Variants in CACNG5 observed in about 807,000 individuals in gnomAD.
CACNG5 encodes calcium voltage-gated channel auxiliary subunit gamma 5.
In CACNG5, 18 loss-of-function variants were observed where a neutral mutation model predicts 24.8. The ratio of observed to expected loss-of-function variants is 0.73; its 90% CI spans 0.50 to 1.08. The LOEUF is 1.08. CACNG5 is among the 50% of genes least tolerant of loss of function. The pLI is 0.00. For missense variants in CACNG5, 349 were observed against 367.9 expected, an observed-to-expected ratio of 0.95 and a Z score of 0.42; for synonymous variants, 157 against 149.1, an observed-to-expected ratio of 1.05 and a Z score of -0.39.
rs373323310 is a variant in CACNG5, at chr17:66,864,318, C to T, written c.-103-12912C>T. ...AGACCTGTCCTCTTTGGCAAGCTCT[C>T]AACTCCAATGTTGAGTCCATAGCAT... On this transcript the variant is annotated intron_variant, in intron 1 of 5. Coordinates refer to ENST00000533854, the MANE Select transcript of CACNG5 (RefSeq NM_145811.3). Among the ~76,000 whole-genome samples, 91 of 152,320 alleles carry T rather than the reference C, an allele frequency of 6.0e-4. 2 individuals carry two copies. The South Asian group carries it at 0.018, about 30-fold the overall frequency.
chr17:66,864,759 G>A (rs1480121859), intron 1 of CACNG5, among the ~76,000 whole-genome samples: 1 of 152,044 alleles, frequency 6.6e-6, no homozygotes, highest in African/African-American at 2.4e-5. Context: ...GAAATATCCT[G>A]GTTATTCTAA....
intron 1 of CACNG5, among the ~76,000 whole-genome samples, chr17:66,875,546 C>T (rs1598059673): frequency 6.6e-6 from 1 of 152,188 alleles, no homozygotes; most frequent in Admixed American, 6.5e-5. Flanking sequence ...AGGCTCTAAA[C>T]TCTGCCACTC....
rs144291956 is a variant in CACNG5 at position 66,868,463 on chromosome 17, G to A, written c.-103-8767G>A. ...TGTCAAAGGACAGGAATCCCTGCCT[G>A]GCAATGCTCACTCTCCAAAGGGCCT... is the stretch of plus-strand genomic sequence containing the variant. On this transcript the variant is annotated intron_variant, in intron 1 of 5. Transcript: ENST00000533854. 2.1e-3 allele frequency among the ~76,000 whole-genome samples: 315 copies of A among 152,292 alleles called. 1 individual carries two copies. The highest frequency in any genetic ancestry group is 3.4e-3 in the Non-Finnish European group (228 of 68,022).
At chr17:66,880,496 G>A (rs1330345188) in intron 3 of CACNG5, 61 bp from the exon 4 acceptor site, 23 of 1,605,868 alleles carry the variant, frequency 1.4e-5, no homozygotes, top group Non-Finnish European at 1.9e-5. Flanking sequence ...CTCAACTCAG[G>A]ATGATGAGGA....
At chr17:66,876,547 A>G (rs371841169) in intron 1 of CACNG5, among the ~76,000 whole-genome samples, 1 of 152,202 alleles carries the variant, frequency 6.6e-6, no homozygotes, top group Non-Finnish European at 1.5e-5. Context: ...CTGAGCAGGT[A>G]AGAGTCAGCC....
rs138175863 is a variant in CACNG5, at chr17:66,843,654, G to C, written c.-104+8404G>C. On this transcript the variant is annotated intron_variant, in intron 1 of 5. Transcript: ENST00000533854. Reference sequence around the variant, plus strand: ...CATTGGAGCAAGGATGCTGCAGGGGGGTGGTCCTGTTCCAGGAGTTGGGAC... The same window carrying C: ...CATTGGAGCAAGGATGCTGCAGGGGCGTGGTCCTGTTCCAGGAGTTGGGAC... Among the ~76,000 whole-genome samples, 608 of 152,196 alleles carry C rather than the reference G, an allele frequency of 4.0e-3. 3 individuals are homozygous for C. Among genetic ancestry groups the C allele is most frequent in the African/African-American group, 0.014 (570 of 41,516 alleles).
chr17:66,887,543 C>T lies in CACNG5; in HGVS notation c.*2303C>T, dbSNP rs974627699. ...AGTTTTTGTGCTTGGAGACAGATAG[C>T]GTTTCCAAACTGGACAATCATTTAG... On this transcript the variant is annotated 3_prime_UTR_variant, in exon 6 of 6. Transcript: ENST00000533854. Among the ~76,000 whole-genome samples the T allele has an allele frequency of 6.6e-5, 10 of 152,194 alleles. No individual in the cohort carries two copies. The highest frequency in any genetic ancestry group is 1.2e-4 in the Non-Finnish European group (8 of 68,040).
chr17:66,853,385 G>A (rs879532437), intron 1 of CACNG5, among the ~76,000 whole-genome samples: 2 of 152,150 alleles, frequency 1.3e-5, no homozygotes, highest in Non-Finnish European at 2.9e-5. Context: ...CTGGTTGTGT[G>A]GCAAGAGCAT....
intron 1 of CACNG5, among the ~76,000 whole-genome samples, chr17:66,841,728 A>G (rs371018855): frequency 6.6e-6 from 1 of 151,718 alleles, no homozygotes; most frequent in African/African-American, 2.4e-5. Context: ...AAGTCCCCAC[A>G]CTCCTCTGGG....
At position 66,891,805 on chromosome 17, in the gene CACNG5, T is replaced by C. The variant is rs1055481136; in HGVS notation, c.*6565T>C. 1.6e-4 allele frequency among the ~76,000 whole-genome samples: 24 copies of C among 152,364 alleles called. No homozygotes were observed. Among genetic ancestry groups the C allele is most frequent in the Middle Eastern group, 3.4e-3 (1 of 294 alleles). On this transcript the variant is annotated 3_prime_UTR_variant, in exon 6 of 6. Coordinates refer to ENST00000533854, the MANE Select transcript of CACNG5 (RefSeq NM_145811.3). ...ACCACCTTTGAGAAACACGATCTGC[T>C]GTACCATGACTGGCTTTGACTAGTA...
At chr17:66,875,316 C>A (rs968360246) in intron 1 of CACNG5, among the ~76,000 whole-genome samples, 11 of 152,144 alleles carry the variant, frequency 7.2e-5, no homozygotes, top group African/African-American at 2.7e-4. Context: ...TGTTTCATTT[C>A]TCCCTCCTTT....
chr17:66,836,204 T>C lies in CACNG5; in HGVS notation c.-104+954T>C, dbSNP rs376070918. Among the ~76,000 whole-genome samples, 14 of 152,224 alleles carry C rather than the reference T, an allele frequency of 9.2e-5. No homozygotes were observed. In the East Asian group the frequency reaches 2.3e-3, roughly 25 times the overall value. ...GGGATTCACCCACTTTGCACTGGAT[T>C]ATCAGTGACTGGGTTAGAGCAGGAC... On this transcript the variant is annotated intron_variant, in intron 1 of 5. Coordinates refer to ENST00000533854, the MANE Select transcript of CACNG5 (RefSeq NM_145811.3).
intron 1 of CACNG5, among the ~76,000 whole-genome samples, chr17:66,839,239 C>A (rs145902032): frequency 3.8e-4 from 57 of 151,950 alleles, no homozygotes; most frequent in Middle Eastern, 3.4e-3. Context: ...GGATTACAGG[C>A]GTGAGCCACC....
rs573671188 is a variant in CACNG5, at chr17:66,835,888, C to A, written c.-104+638C>A. 6.6e-5 allele frequency among the ~76,000 whole-genome samples: 10 copies of A among 152,286 alleles called. No homozygotes were observed. In the East Asian group the frequency reaches 1.9e-3, roughly 29 times the overall value. ...GTGAGGTGTCAACCACCCAGGCACACCCCAAATTTGGATTTCCCCAATCAC... is the reference window on the plus strand; with the variant it reads ...GTGAGGTGTCAACCACCCAGGCACAACCCAAATTTGGATTTCCCCAATCAC... On this transcript the variant is annotated intron_variant, in intron 1 of 5. Coordinates refer to ENST00000533854, the MANE Select transcript of CACNG5 (RefSeq NM_145811.3).
intron 1 of CACNG5, among the ~76,000 whole-genome samples, chr17:66,876,364 C>CT (rs1270535403): frequency 6.6e-6 from 1 of 152,200 alleles, no homozygotes; most frequent in Non-Finnish European, 1.5e-5. Flanking sequence ...CTGAGACTGG[C>CT]TATGGGCTCC....
intron 1 of CACNG5, among the ~76,000 whole-genome samples, chr17:66,856,542 C>T (rs573118662): frequency 3.7e-4 from 40 of 108,408 alleles, no homozygotes; most frequent in African/African-American, 1.2e-3. Flanking sequence ...GTTGCCCCCC[C>T]GCCTTTTTTT....
chr17:66,867,612 T>A (rs1348729082), intron 1 of CACNG5, among the ~76,000 whole-genome samples: 2 of 152,256 alleles, frequency 1.3e-5, no homozygotes, highest in Non-Finnish European at 2.9e-5. Context: ...GGGTTTTACA[T>A]TTAAATCTTT....
chr17:66,851,262 T>C (rs1376802249), intron 1 of CACNG5, among the ~76,000 whole-genome samples: 1 of 152,186 alleles, frequency 6.6e-6, no homozygotes, highest in African/African-American at 2.4e-5. Flanking sequence ...AAGAATTTAA[T>C]GTAAAATCAG....
intron 1 of CACNG5, among the ~76,000 whole-genome samples, chr17:66,841,145 C>T (rs915224107): frequency 6.6e-6 from 1 of 152,156 alleles, no homozygotes; most frequent in African/African-American, 2.4e-5. Flanking sequence ...AGACATGAGA[C>T]ACCAATCAAT....
Sources: gnomAD v4.1 joint callset for allele counts (sites outside exome capture counted in the v4.1 genomes callset) on GRCh38, gnomAD v4.1.1 for gene constraint, MANE v1.5 for transcripts, NCBI Gene and HGNC (gene_info 2026-07-23, HGNC 2026-07-21) for gene names.